TEAD4: variants seen among roughly 807,000 people sequenced by gnomAD.
The protein encoded by TEAD4 is TEA domain transcription factor 4, also known as transcriptional enhancer factor TEF-3.
In TEAD4, 36 loss-of-function variants were observed where a neutral mutation model predicts 52.4. The observed-to-expected ratio is 0.69, with a 90% CI of 0.53 to 0.91. The LOEUF (loss-of-function observed/expected upper bound fraction) is 0.91, where lower values mean the gene tolerates loss of function less well. TEAD4 is among the 40% of genes least tolerant of loss of function. TEAD4 has a pLI of 0.00. For synonymous variants in TEAD4, 220 were observed against 231.0 expected (o/e 0.95, Z 0.43); for missense variants, 508 against 583.9 (o/e 0.87, Z 1.34).
At chr12:2,969,506 G>T (rs2098223366) in intron 2 of TEAD4, among the ~76,000 whole-genome samples, 1 of 152,212 alleles carries the variant, frequency 6.6e-6, no homozygotes, top group South Asian at 2.1e-4. Flanking sequence ...TCTCTGCCCT[G>T]CATGGGAAAG....
chr12:2,965,135 G>T (rs1050879649), intron 2 of TEAD4, among the ~76,000 whole-genome samples: 1 of 152,052 alleles, frequency 6.6e-6, no homozygotes, highest in African/African-American at 2.4e-5. Flanking sequence ...TTGATTCCTT[G>T]CCCAATTCTT....
At chr12:3,001,824 C>T (rs1461778826) in intron 3 of TEAD4, among the ~76,000 whole-genome samples, 1 of 149,764 alleles carries the variant, frequency 6.7e-6, no homozygotes, top group East Asian at 2.0e-4. Flanking sequence ...GCTCATGTGG[C>T]TTATGCCTGT....
At chr12:2,964,872 C>G (rs2098218998) in intron 2 of TEAD4, among the ~76,000 whole-genome samples, 1 of 152,058 alleles carries the variant, frequency 6.6e-6, no homozygotes, top group African/African-American at 2.4e-5. Flanking sequence ...AAGGGTCGAC[C>G]AGACTTTGTG....
intron 9 of TEAD4, 69 bp from the exon 10 acceptor site, chr12:3,021,775 C>A (rs1284739292): frequency 1.3e-6 from 2 of 1,548,562 alleles, no homozygotes; most frequent in Non-Finnish European, 8.8e-7. Flanking sequence ...GGTGGGCACG[C>A]AGAGCCAGGG....
chr12:2,983,349 A>G (rs1298321272), intron 2 of TEAD4, among the ~76,000 whole-genome samples: 1 of 152,134 alleles, frequency 6.6e-6, no homozygotes, highest in African/African-American at 2.4e-5. Flanking sequence ...TCCGGGATGG[A>G]TCAGTTCCCC....
At chr12:3,015,586 G>C (rs918273856) in intron 5 of TEAD4, among the ~76,000 whole-genome samples, 29 of 152,268 alleles carry the variant, frequency 1.9e-4, no homozygotes, top group African/African-American at 7.0e-4. Context: ...TCATGGAGCT[G>C]CGTGTGGACC....
intron 5 of TEAD4, among the ~76,000 whole-genome samples, chr12:3,013,760 A>G (rs907734269): frequency 3.9e-5 from 6 of 152,146 alleles, no homozygotes; most frequent in Non-Finnish European, 7.3e-5. Flanking sequence ...CTAGCTGGGC[A>G]TGCACGCCTG....
At position 3,039,246 on chromosome 12, in the gene TEAD4, A is replaced by T. The variant is rs555721542; in HGVS notation, c.1039-861A>T. Among the ~76,000 whole-genome samples the T allele has an allele frequency of 8.5e-5, 13 of 152,342 alleles. No homozygotes were observed. The South Asian group carries it at 1.2e-3, about 15-fold the overall frequency. Reference sequence around the variant, plus strand: ...TAGAGTCCAGGCATTAGTGGTTTTTAAAAAGTTCCTCAAATTATTTATTTC... The same window carrying T: ...TAGAGTCCAGGCATTAGTGGTTTTTTAAAAGTTCCTCAAATTATTTATTTC... On this transcript the variant is annotated intron_variant, in intron 11 of 12. Transcript: ENST00000359864.
At chr12:3,017,668 C>G in intron 6 of TEAD4, 142 bp downstream of exon 6, 1 of 1,211,372 alleles carries the variant, frequency 8.3e-7, no homozygotes, top group Non-Finnish European at 1.1e-6. Context: ...AAGGAGGGAA[C>G]AAGGACCCAA....
chr12:3,026,571 G>T (rs2098272255), intron 10 of TEAD4, among the ~76,000 whole-genome samples: 1 of 152,200 alleles, frequency 6.6e-6, no homozygotes, highest in Non-Finnish European at 1.5e-5. Context: ...CCTGTAAGGG[G>T]CCTGCTGGGA....
At position 2,994,136 on chromosome 12, in the gene TEAD4, G is replaced by T. The variant is rs982614442; in HGVS notation, c.-29-602G>T. Among the ~76,000 whole-genome samples, 5 of 152,102 alleles carry T rather than the reference G, an allele frequency of 3.3e-5. No individual in the cohort carries two copies. Among genetic ancestry groups the T allele is most frequent in the Non-Finnish European group, 7.4e-5 (5 of 68,010 alleles). ...GTCACCCAGGCTGGAGTGTAGTGGC[G>T]GGATCTCGGCTCACTGCAACCTCTG... On this transcript the variant is annotated intron_variant, in intron 2 of 12. Coordinates refer to ENST00000359864, the MANE Select transcript of TEAD4 (RefSeq NM_003213.4). The surrounding 1 kb of genome is among the most constrained non-coding windows in gnomAD (Gnocchi z 4.7).
intron 2 of TEAD4, among the ~76,000 whole-genome samples, chr12:2,967,273 A>T (rs2098221237): frequency 1.3e-5 from 2 of 152,306 alleles, no homozygotes; most frequent in South Asian, 4.1e-4. Context: ...ATGCAAATCT[A>T]TATATTTTAA....
chr12:3,005,894 T>C (rs908122946), intron 3 of TEAD4, among the ~76,000 whole-genome samples: 1 of 152,144 alleles, frequency 6.6e-6, no homozygotes, highest in South Asian at 2.1e-4. Flanking sequence ...TGCCTCAGGC[T>C]CCCAAAGTGC....
intron 2 of TEAD4, among the ~76,000 whole-genome samples, chr12:2,964,161 T>C (rs1014048414): frequency 1.3e-5 from 2 of 152,224 alleles, no homozygotes; most frequent in Non-Finnish European, 2.9e-5. Flanking sequence ...CCGTGCCGGT[T>C]CTGTGCTGAG....
In TEAD4 at chr12:3,008,203, G is replaced by A. The variant is rs2098257435; in HGVS notation, c.227-2801G>A. On this transcript the variant is annotated intron_variant, in intron 3 of 12. Coordinates refer to ENST00000359864, the MANE Select transcript of TEAD4 (RefSeq NM_003213.4). ...AGTGGGTGCCAGGGTGGGCGGGTAG[G>A]AGTATGATTTCAGCCCTCAGTGGGG... Among the ~76,000 whole-genome samples, 3 of 152,190 alleles carry A rather than the reference G, an allele frequency of 2.0e-5. No homozygotes were observed. In the South Asian group the frequency reaches 6.2e-4, roughly 32 times the overall value.
intron 10 of TEAD4, among the ~76,000 whole-genome samples, chr12:3,031,263 C>T (rs2098275320): frequency 6.6e-6 from 1 of 152,178 alleles, no homozygotes; most frequent in African/African-American, 2.4e-5. Context: ...CCAGGCTCAG[C>T]CCTGACTCAG....
In TEAD4 at chr12:2,994,814, C is replaced by T; in HGVS notation, c.48C>T (p.Pro16=). 1 of 1,613,892 alleles carries T rather than the reference C, an allele frequency of 6.2e-7. No homozygotes were observed. The highest frequency in any genetic ancestry group is 1.1e-5 in the South Asian group (1 of 91,072). ...TTACCTCCAACGAGTGGAGCTCTCCCACCTCCCCTGAGGGGAGCACCGCCT... is the reference window on the plus strand; with the variant it reads ...TTACCTCCAACGAGTGGAGCTCTCCTACCTCCCCTGAGGGGAGCACCGCCT... The change falls in exon 3 of 13, where the codon CCC becomes CCT. Residue 16 remains proline (P), a synonymous_variant. Transcript: ENST00000359864. The surrounding 1 kb of genome is among the most constrained non-coding windows in gnomAD (Gnocchi z 4.7).
chr12:3,004,587 AT>A (rs2098254351), intron 3 of TEAD4, among the ~76,000 whole-genome samples: 1 of 152,142 alleles, frequency 6.6e-6, no homozygotes, highest in African/African-American at 2.4e-5. Context: ...CCCTGAGAAG[AT>A]TTCTCAACCT....
chr12:3,006,898 C>T (rs1039913004), intron 3 of TEAD4, among the ~76,000 whole-genome samples: 3 of 148,924 alleles, frequency 2.0e-5, no homozygotes, highest in South Asian at 2.2e-4. Flanking sequence ...TGGTGGTGTG[C>T]GCCTGTAATC....
Sources: gnomAD v4.1 joint callset for allele counts (sites outside exome capture counted in the v4.1 genomes callset) on GRCh38, gnomAD v4.1.1 for gene constraint, Gnocchi (gnomAD v3.1) non-coding constraint, MANE v1.5 for transcripts, NCBI Gene and HGNC (gene_info 2026-07-23, HGNC 2026-07-21) for gene names.